The following NXPH1 variants were observed in gnomAD, a reference collection of about 807,000 sequenced individuals.
NXPH1 encodes neurexophilin-1.
In NXPH1, 5 loss-of-function variants were observed where a neutral mutation model predicts 23.7. The observed-to-expected ratio is 0.21, with a 90% CI of 0.11 to 0.44. The LOEUF (loss-of-function observed/expected upper bound fraction) is 0.44. NXPH1 is among the 20% of genes least tolerant of loss of function. NXPH1 has a pLI of 0.99. For missense variants in NXPH1, 324 were observed against 321.6 expected (o/e 1.01, Z -0.06); for synonymous variants, 144 against 122.2 (o/e 1.18, Z -1.18).
intron 2 of NXPH1, among the ~76,000 whole-genome samples, chr7:8,667,605 C>G (rs919397553): frequency 6.6e-6 from 1 of 151,864 alleles, no homozygotes; most frequent in Non-Finnish European, 1.5e-5. Context: ...TCTCTTGCTG[C>G]TTTCAGGATC....
chr7:8,513,336 C>T (rs777698991), intron 2 of NXPH1, among the ~76,000 whole-genome samples: 2 of 152,000 alleles, frequency 1.3e-5, no homozygotes, highest in African/African-American at 2.4e-5. Flanking sequence ...TTCTGAATTC[C>T]CCACATCTTT....
intron 2 of NXPH1, among the ~76,000 whole-genome samples, chr7:8,466,181 T>A: frequency 6.6e-6 from 1 of 152,196 alleles, no homozygotes; most frequent in East Asian, 1.9e-4. Context: ...TTAAAGGAAA[T>A]CAAGACTGGG....
At chr7:8,513,261 G>A (rs1455204865) in intron 2 of NXPH1, among the ~76,000 whole-genome samples, 2 of 151,922 alleles carry the variant, frequency 1.3e-5, no homozygotes, top group Non-Finnish European at 2.9e-5. Context: ...AATATATAGG[G>A]ATATCACAGA....
chr7:8,721,958 G>A (rs112226428), intron 2 of NXPH1, among the ~76,000 whole-genome samples: 2,476 of 152,070 alleles, frequency 0.016, 18 homozygotes, highest in Admixed American at 0.025. Flanking sequence ...ATGATCCTTC[G>A]TAAATATTAC....
At chr7:8,537,069 A>G (rs918206891) in intron 2 of NXPH1, among the ~76,000 whole-genome samples, 2 of 151,832 alleles carry the variant, frequency 1.3e-5, no homozygotes, top group South Asian at 2.1e-4. Context: ...TAATTTTTAA[A>G]CCTTTTCTCT....
chr7:8,735,973 G>A (rs1780247470), intron 2 of NXPH1, among the ~76,000 whole-genome samples: 1 of 152,122 alleles, frequency 6.6e-6, no homozygotes, highest in Non-Finnish European at 1.5e-5. Context: ...TATGGGATCA[G>A]TGGTGATATC....
intron 2 of NXPH1, among the ~76,000 whole-genome samples, chr7:8,578,755 T>C (rs1818801356): frequency 6.6e-6 from 1 of 152,166 alleles, no homozygotes; most frequent in Non-Finnish European, 1.5e-5. Context: ...CAGGCATAAG[T>C]TGCTATGGAA....
chr7:8,713,796 C>T (rs573008641), intron 2 of NXPH1, among the ~76,000 whole-genome samples: 33 of 152,260 alleles, frequency 2.2e-4, no homozygotes, highest in African/African-American at 4.8e-4. Context: ...GTTCTCTTCC[C>T]GTAATTTCTC....
chr7:8,643,554 G>C (rs1343781890), intron 2 of NXPH1, among the ~76,000 whole-genome samples: 1 of 151,930 alleles, frequency 6.6e-6, no homozygotes, highest in Non-Finnish European at 1.5e-5. Flanking sequence ...AATCTCACTT[G>C]TCTGAATATA....
intron 2 of NXPH1, among the ~76,000 whole-genome samples, chr7:8,533,360 G>A (rs1300152734): frequency 6.6e-6 from 1 of 151,980 alleles, no homozygotes; most frequent in Non-Finnish European, 1.5e-5. Flanking sequence ...CTTAACCTAT[G>A]CTTTTAGCAT....
chr7:8,502,339 G>A (rs1817450625), intron 2 of NXPH1, among the ~76,000 whole-genome samples: 1 of 151,932 alleles, frequency 6.6e-6, no homozygotes, highest in African/African-American at 2.4e-5. Flanking sequence ...ACATTTTGAT[G>A]AGGAACTAGG....
chr7:8,750,273 G>T (rs1780541267), intron 2 of NXPH1, among the ~76,000 whole-genome samples: 1 of 152,172 alleles, frequency 6.6e-6, no homozygotes. Flanking sequence ...TAACGAAATA[G>T]TCTAAAGGGT....
chr7:8,648,035 A>G (rs1410725240), intron 2 of NXPH1, among the ~76,000 whole-genome samples: 1 of 152,036 alleles, frequency 6.6e-6, no homozygotes, highest in African/African-American at 2.4e-5. Context: ...ATTTTTGTGG[A>G]TACATACTAA....
At chr7:8,450,908 C>A (rs575853577) in intron 2 of NXPH1, among the ~76,000 whole-genome samples, 2 of 151,072 alleles carry the variant, frequency 1.3e-5, no homozygotes, top group South Asian at 2.1e-4. Context: ...ATTTTAATGC[C>A]TAGTTCCTAG....
At chr7:8,583,118 C>G (rs1325942888) in intron 2 of NXPH1, among the ~76,000 whole-genome samples, 1 of 152,242 alleles carries the variant, frequency 6.6e-6, no homozygotes, top group Non-Finnish European at 1.5e-5. Flanking sequence ...GCTTAGGGAT[C>G]TGCTCAAGTA....
Position 8,751,875 on chromosome 7 carries a change from C to A in NXPH1, c.*106C>A. On this transcript the variant is annotated 3_prime_UTR_variant, in exon 3 of 3. Coordinates refer to ENST00000405863, the MANE Select transcript of NXPH1 (RefSeq NM_152745.3). This position sits in a 1 kb window ranked among gnomAD's most constrained non-coding sequence, Gnocchi z 4.5. ...ATCTGTTGCCTGGAATGTGTCTACA[C>A]TGCTGCTCTTGTCAACTGGCTGCAA... 2 of 1,090,110 alleles carry A rather than the reference C, an allele frequency of 1.8e-6. No homozygotes were observed. The highest frequency in any genetic ancestry group is 2.6e-6 in the Non-Finnish European group (2 of 784,210). 67.5% of individuals were successfully genotyped at this position (1,090,110 alleles called of 1,614,324 possible).
chr7:8,480,116 A>G (rs2128609689), intron 2 of NXPH1, among the ~76,000 whole-genome samples: 1 of 152,262 alleles, frequency 6.6e-6, no homozygotes, highest in Admixed American at 6.5e-5. Flanking sequence ...GATGGGGTAC[A>G]CTGATGAGAT....
rs144820214 is a variant in NXPH1, at chr7:8,637,109, C to T, written c.55-113899C>T. Among the ~76,000 whole-genome samples the T allele has an allele frequency of 1.9e-3, 283 of 152,258 alleles. 2 individuals carry two copies. Among genetic ancestry groups the T allele is most frequent in the African/African-American group, 6.4e-3 (267 of 41,556 alleles). On this transcript the variant is annotated intron_variant, in intron 2 of 2. Coordinates refer to ENST00000405863, the MANE Select transcript of NXPH1 (RefSeq NM_152745.3). ...ATGGTACTGCCTATAGACATGTGGT[C>T]AGCCTTTACACTTAAATCAAGAAAA...
At chr7:8,741,434 A>G (rs1780358616) in intron 2 of NXPH1, among the ~76,000 whole-genome samples, 1 of 152,146 alleles carries the variant, frequency 6.6e-6, no homozygotes, top group East Asian at 1.9e-4. Flanking sequence ...TTGCTGGATC[A>G]AATGGTAGTT....
Sources: gnomAD v4.1 joint callset for allele counts (sites outside exome capture counted in the v4.1 genomes callset) on GRCh38, gnomAD v4.1.1 for gene constraint, Gnocchi (gnomAD v3.1) non-coding constraint, MANE v1.5 for transcripts, NCBI Gene and HGNC (gene_info 2026-07-23, HGNC 2026-07-21) for gene names.